The following SEMA6D variants were observed in gnomAD, a reference collection of about 807,000 sequenced individuals.
SEMA6D encodes semaphorin 6D.
Under a neutral mutation model 106.6 loss-of-function variants are expected in SEMA6D, and 35 were observed. The observed-to-expected ratio is 0.33, with a 90% CI of 0.25 to 0.44. The LOEUF is 0.44. Among genes scored for constraint, SEMA6D ranks in the 20% least tolerant of loss-of-function variants. The pLI is 1.00. For synonymous variants in SEMA6D, 499 were observed against 487.7 expected (o/e 1.02, Z -0.31); for missense variants, 1,185 against 1,345.9 (o/e 0.88, Z 1.87).
chr15:47,626,102 A>G (rs1229776065), intron 4 of SEMA6D, among the ~76,000 whole-genome samples: 2 of 152,170 alleles, frequency 1.3e-5, no homozygotes, highest in Non-Finnish European at 2.9e-5. Flanking sequence ...CTAGGCAGGT[A>G]GAGTTGGAAG....
intron 4 of SEMA6D, among the ~76,000 whole-genome samples, chr15:47,699,763 T>A (rs1020692026): frequency 1.3e-5 from 2 of 152,236 alleles, no homozygotes; most frequent in African/African-American, 4.8e-5. Context: ...GACAAGGATG[T>A]CACTTCTCGC....
At chr15:47,320,794 T>C (rs2036894139) in intron 1 of SEMA6D, among the ~76,000 whole-genome samples, 1 of 152,180 alleles carries the variant, frequency 6.6e-6, no homozygotes, top group South Asian at 2.1e-4. Flanking sequence ...GTCTCCTATT[T>C]TGTTTTAGCA....
intron 1 of SEMA6D, chr15:47,359,416 G>A (rs149376264): frequency 9.9e-5 from 15 of 152,278 alleles, no homozygotes; most frequent in African/African-American, 3.6e-4. Context: ...TCTTAGAAAA[G>A]TGCTTAGGAT....
intron 4 of SEMA6D, among the ~76,000 whole-genome samples, chr15:47,696,212 A>G (rs1337978232): frequency 2.6e-5 from 4 of 152,126 alleles, no homozygotes; most frequent in African/African-American, 9.7e-5. Flanking sequence ...ATTTCATTAG[A>G]TGACTCAGTC....
chr15:47,581,957 G>C (rs769367497), intron 3 of SEMA6D, among the ~76,000 whole-genome samples: 2 of 152,168 alleles, frequency 1.3e-5, no homozygotes, highest in Non-Finnish European at 2.9e-5. Context: ...TTTGAACTCT[G>C]GGAAAGAGGA....
intron 1 of SEMA6D, among the ~76,000 whole-genome samples, chr15:47,222,001 GCA>G (rs113628492): frequency 5.3e-4 from 80 of 150,744 alleles, no homozygotes; most frequent in African/African-American, 1.3e-3. Context: ...ACAAGCAAGC[GCA>G]CACACACACA....
At chr15:47,319,176 T>C (rs2036823915) in intron 1 of SEMA6D, among the ~76,000 whole-genome samples, 1 of 152,224 alleles carries the variant, frequency 6.6e-6, no homozygotes, top group Admixed American at 6.5e-5. Flanking sequence ...AAGATTTCCA[T>C]CTCTCTGCTT....
intron 3 of SEMA6D, among the ~76,000 whole-genome samples, chr15:47,549,813 G>A (rs931619224): frequency 3.9e-5 from 6 of 152,114 alleles, no homozygotes; most frequent in African/African-American, 1.4e-4. Context: ...AAATTAAAGG[G>A]ATTTTGGAAG....
chr15:47,263,915 A>G (rs971038193), intron 1 of SEMA6D, among the ~76,000 whole-genome samples: 1 of 151,728 alleles, frequency 6.6e-6, no homozygotes, highest in Middle Eastern at 3.4e-3. Context: ...TTGCAACACT[A>G]TTCACAATAG....
chr15:47,766,771 G>C (rs1008904232), intron 16 of SEMA6D, 94 bp downstream of exon 16: 3 of 842,646 alleles, frequency 3.6e-6, no homozygotes, highest in Non-Finnish European at 5.8e-6. Context: ...AATGACTCAG[G>C]ACACATACCA....
intron 3 of SEMA6D, among the ~76,000 whole-genome samples, chr15:47,548,494 C>G (rs1596295620): frequency 6.6e-6 from 1 of 152,092 alleles, no homozygotes. Context: ...AAATATGGAA[C>G]AAGCCATTGC....
intron 1 of SEMA6D, among the ~76,000 whole-genome samples, chr15:47,364,156 C>A (rs1176274351): frequency 1.3e-5 from 2 of 152,180 alleles, no homozygotes; most frequent in Non-Finnish European, 2.9e-5. Context: ...CTGAGCCAGG[C>A]AAGACAGTGC....
chr15:47,560,653 A>T (rs2046052282), intron 3 of SEMA6D, among the ~76,000 whole-genome samples: 1 of 152,104 alleles, frequency 6.6e-6, no homozygotes, highest in Non-Finnish European at 1.5e-5. Flanking sequence ...TATGAGGTGA[A>T]TTCTGTTCTC....
chr15:47,733,639 G>A lies in SEMA6D; in HGVS notation c.-55+15947G>A, dbSNP rs1480405327. 2.6e-5 allele frequency among the ~76,000 whole-genome samples: 4 copies of A among 152,128 alleles called. No individual in the cohort carries two copies. The East Asian group carries it at 5.8e-4, about 22-fold the overall frequency. On this transcript the variant is annotated intron_variant, in intron 1 of 18. Transcript: ENST00000536845. ...AGTCCGGGGTTCAAATTCTGAGTCT[G>A]CCACTTAACCCCTCAGAGCCTGGTT... is the stretch of plus-strand genomic sequence containing the variant.
chr15:47,767,094 G>T lies in SEMA6D; in HGVS notation c.1765+1G>T. On this transcript the variant is annotated splice_donor_variant, in intron 17 of 18. Transcript: ENST00000536845. LOFTEE classifies it high-confidence loss of function. ...AAAATATTTGGCGGTCCAACATCTGGTTAGTTTTTTTTAATTTTTTTGAAT... is the reference window on the plus strand; with the variant it reads ...AAAATATTTGGCGGTCCAACATCTGTTTAGTTTTTTTTAATTTTTTTGAAT... The T allele has an allele frequency of 6.4e-7, 1 of 1,562,728 alleles. No individual in the cohort carries two copies. Among genetic ancestry groups the T allele is most frequent in the Non-Finnish European group, 8.7e-7 (1 of 1,151,748 alleles).
At chr15:47,514,949 C>G (rs1247594933) in intron 3 of SEMA6D, among the ~76,000 whole-genome samples, 3 of 152,168 alleles carry the variant, frequency 2.0e-5, no homozygotes, top group African/African-American at 7.2e-5. Flanking sequence ...TTTATATATA[C>G]TTGAAAGTTG....
chr15:47,527,439 A>G, intron 3 of SEMA6D, among the ~76,000 whole-genome samples: 1 of 152,368 alleles, frequency 6.6e-6, no homozygotes, highest in African/African-American at 2.4e-5. Flanking sequence ...AACTTGCTGG[A>G]GATCTAGTTC....
At chr15:47,211,017 T>C (rs2029951857) in intron 1 of SEMA6D, among the ~76,000 whole-genome samples, 1 of 152,146 alleles carries the variant, frequency 6.6e-6, no homozygotes, top group East Asian at 1.9e-4. Flanking sequence ...ATTAGAAATT[T>C]TAAATTGTAC....
At chr15:47,339,775 T>G (rs55652326) in intron 1 of SEMA6D, among the ~76,000 whole-genome samples, 13,311 of 151,754 alleles carry the variant, frequency 0.088, 721 homozygotes, top group Admixed American at 0.13. Flanking sequence ...GGGAGAATCA[T>G]TTGAACCTAG....
Sources: allele counts gnomAD v4.1 joint callset (sites outside exome capture counted in the v4.1 genomes callset), GRCh38; gene constraint gnomAD v4.1.1; transcripts MANE v1.5; gene names NCBI Gene and HGNC (gene_info 2026-07-23, HGNC 2026-07-21).